The following TMEM161B variants were observed in gnomAD, a reference collection of about 807,000 sequenced individuals.
TMEM161B encodes transmembrane protein 161B.
Under a neutral mutation model 61.8 loss-of-function variants are expected in TMEM161B, and 34 were observed. That is an observed-to-expected ratio of 0.55 (90% confidence interval 0.42 to 0.73). TMEM161B has a LOEUF of 0.73. Among genes scored for constraint, TMEM161B ranks in the 30% least tolerant of loss-of-function variants. TMEM161B has a pLI of 0.00. For missense variants in TMEM161B, 456 were observed against 558.5 expected (o/e 0.82, Z 1.85); for synonymous variants, 167 against 192.8 (o/e 0.87, Z 1.11).
chr5:88,192,268 G>C (rs1033590128), downstream of TMEM161B, among the ~76,000 whole-genome samples: 5 of 151,708 alleles, frequency 3.3e-5, no homozygotes, highest in Admixed American at 3.3e-4. Context: ...CAATAGGATG[G>C]AAAAATACAC....
intron 1 of TMEM161B, among the ~76,000 whole-genome samples, chr5:88,264,452 T>C (rs1359046582): frequency 6.6e-6 from 1 of 152,192 alleles, no homozygotes; most frequent in Non-Finnish European, 1.5e-5. Flanking sequence ...GGCGAGGCTG[T>C]GGAGAAATAG....
intron 2 of TMEM161B, among the ~76,000 whole-genome samples, chr5:88,232,225 G>T (rs1463097442): frequency 3.3e-5 from 5 of 152,136 alleles, no homozygotes; most frequent in Admixed American, 2.6e-4. Context: ...CTGTTGCCTT[G>T]TTAGACCTCA....
intron 1 of TMEM161B, among the ~76,000 whole-genome samples, chr5:88,262,245 T>C (rs1755779639): frequency 6.6e-6 from 1 of 152,072 alleles, no homozygotes; most frequent in South Asian, 2.1e-4. Flanking sequence ...ATGGCCAAAA[T>C]CCAGAACACT....
downstream of TMEM161B, among the ~76,000 whole-genome samples, chr5:88,186,690 G>A (rs1748372599): frequency 6.6e-6 from 1 of 152,002 alleles, no homozygotes; most frequent in Admixed American, 6.6e-5. Flanking sequence ...AGGAATTTGG[G>A]AGGCCAAGGC....
Position 88,196,001 on chromosome 5 carries a change from A to T in TMEM161B, c.*210T>A. ...CAAAGAGTTAAAATTCCAATGCCAC[A>T]GTGTAACAGTTAACAATCTATTTTG... On this transcript the variant is annotated 3_prime_UTR_variant, in exon 12 of 12. Coordinates refer to ENST00000296595, the MANE Select transcript of TMEM161B (RefSeq NM_153354.5). The T allele has an allele frequency of 7.6e-7, 1 of 1,314,284 alleles. No individual in the cohort carries two copies. Among genetic ancestry groups the T allele is most frequent in the Non-Finnish European group, 9.7e-7 (1 of 1,035,136 alleles). 81.4% of individuals were successfully genotyped at this position (1,314,284 alleles called of 1,614,324 possible).
chr5:88,241,214 T>C (rs998194087), intron 1 of TMEM161B, among the ~76,000 whole-genome samples: 2 of 151,800 alleles, frequency 1.3e-5, no homozygotes, highest in Non-Finnish European at 2.9e-5. Context: ...CTAGAGACGA[T>C]TTCAAGTATA....
At chr5:88,236,117 A>C (rs773204946) in intron 2 of TMEM161B, among the ~76,000 whole-genome samples, 2 of 152,166 alleles carry the variant, frequency 1.3e-5, no homozygotes, top group Non-Finnish European at 2.9e-5. Context: ...GAACAGGCAA[A>C]AAGAATTAGA....
rs374808434 is a variant in TMEM161B at position 88,207,077 on chromosome 5, C to A, written c.550G>T (p.Ala184Ser). The change falls in exon 6 of 12, where the codon GCA becomes TCA. Residue 184 changes from alanine to serine, a missense_variant. Ala to Ser is a moderately conservative substitution (Grantham distance 99, BLOSUM62 1). This residue lies in a region of TMEM161B where 367 missense variants were observed against 427.3 expected (regional missense o/e 0.86). Coordinates refer to ENST00000296595, the MANE Select transcript of TMEM161B (RefSeq NM_153354.5). Reference protein sequence around the residue: ...FGFFFFVKAMAVLIVTENYLE... With the variant: ...FGFFFFVKAMSVLIVTENYLE... ...TAATTTTCTGTTACAATCAACACTG[C>A]CATTGCTTTGACAAAGAAAAAAAAT... 1 of 1,612,594 alleles carries A rather than the reference C, an allele frequency of 6.2e-7. No homozygotes were observed. The highest frequency in any genetic ancestry group is 8.5e-7 in the Non-Finnish European group (1 of 1,179,376).
chr5:88,259,242 G>A (rs1282226137), intron 1 of TMEM161B: 1 of 152,160 alleles, frequency 6.6e-6, no homozygotes, highest in Non-Finnish European at 1.5e-5. Context: ...CTGTGAAGCA[G>A]TAACATGGGA....
chr5:88,205,762 A>C, intron 8 of TMEM161B, 52 bp downstream of exon 8: 1 of 1,586,872 alleles, frequency 6.3e-7, no homozygotes. Flanking sequence ...ACCTTCATTA[A>C]GATGGAAAAC....
chr5:88,263,575 T>C (rs999678121), intron 1 of TMEM161B, among the ~76,000 whole-genome samples: 1 of 152,218 alleles, frequency 6.6e-6, no homozygotes, highest in African/African-American at 2.4e-5. Flanking sequence ...CTTAAGTTTA[T>C]TTCTAAAAAG....
chr5:88,188,111 C>CT (rs923947447), downstream of TMEM161B, among the ~76,000 whole-genome samples: 9 of 150,562 alleles, frequency 6.0e-5, no homozygotes, highest in South Asian at 2.1e-4. Context: ...AGTATTTTTA[C>CT]TTTTTTTTTG....
downstream of TMEM161B, among the ~76,000 whole-genome samples, chr5:88,191,873 C>T (rs1434088238): frequency 2.8e-5 from 4 of 143,078 alleles, no homozygotes; most frequent in Non-Finnish European, 4.5e-5. Context: ...AGGAGAATGG[C>T]GTGAACCCGG....
chr5:88,196,584 G>C, intron 11 of TMEM161B, 96 bp from the exon 12 acceptor site: 1 of 1,205,546 alleles, frequency 8.3e-7, no homozygotes, highest in Non-Finnish European at 1.1e-6. Flanking sequence ...TTAACAATAT[G>C]TTTAGTGGCA....
At position 88,195,516 on chromosome 5, in the gene TMEM161B, C is replaced by T. The variant is rs1301833567; in HGVS notation, c.*695G>A. The T allele has an allele frequency of 2.0e-6, 2 of 984,936 alleles. No individual in the cohort carries two copies. The highest frequency in any genetic ancestry group is 3.5e-5 in the African/African-American group (2 of 57,084). 61.0% of individuals were successfully genotyped at this position (984,936 alleles called of 1,614,324 possible). ...AAAACAAAATATGGCAGGTCCAAAC[C>T]TAATGGCAAGATTACAAATGTTCAT... On this transcript the variant is annotated 3_prime_UTR_variant, in exon 12 of 12. Coordinates refer to ENST00000296595, the MANE Select transcript of TMEM161B (RefSeq NM_153354.5).
At chr5:88,264,092 G>T (rs914289476) in intron 1 of TMEM161B, among the ~76,000 whole-genome samples, 24 of 151,944 alleles carry the variant, frequency 1.6e-4, no homozygotes, top group African/African-American at 5.8e-4. Flanking sequence ...TTTCTCTCTA[G>T]TAGGGGTTTA....
At chr5:88,241,556 C>T (rs898394018) in intron 1 of TMEM161B, among the ~76,000 whole-genome samples, 3 of 151,742 alleles carry the variant, frequency 2.0e-5, no homozygotes, top group African/African-American at 7.3e-5. Flanking sequence ...AAGTAATATG[C>T]CTGGTTTTAA....
At position 88,197,828 on chromosome 5, in the gene TMEM161B, T is replaced by C. The variant is rs1580321443; in HGVS notation, c.1090-63A>G. 5.4e-5 allele frequency: 75 copies of C among 1,378,444 alleles called. No individual in the cohort carries two copies. In the East Asian group the frequency reaches 1.8e-3, roughly 33 times the overall value. 85.4% of individuals were successfully genotyped at this position (1,378,444 alleles called of 1,614,324 possible). A position where few individuals can be genotyped will look rare whatever the true frequency, so the allele number is the denominator to read the frequency against. On this transcript the variant is annotated intron_variant, in intron 10 of 11. Transcript: ENST00000296595. ...GACATGTTAGGAGTGAATTAAACTT[T>C]CATATAATTGCCATACCAAAATACT...
chr5:88,198,746 C>G (rs1750141543), intron 10 of TMEM161B: 2 of 432,924 alleles, frequency 4.6e-6, no homozygotes, highest in Non-Finnish European at 8.1e-6. Context: ...AGCTTTGTAC[C>G]ACCCACTGTA....
Sources: gnomAD v4.1 joint callset for allele counts (sites outside exome capture counted in the v4.1 genomes callset) on GRCh38, gnomAD v4.1.1 for gene constraint, gnomAD v4.1.1 regional missense constraint, MANE v1.5 for transcripts, NCBI Gene and HGNC (gene_info 2026-07-23, HGNC 2026-07-21) for gene names.